The following JMJD1C variants were observed in gnomAD, a reference collection of about 807,000 sequenced individuals.
JMJD1C encodes the protein jumonji domain-containing protein 1C.
In JMJD1C, 31 loss-of-function variants were observed where a neutral mutation model predicts 245.3. The ratio of observed to expected loss-of-function variants is 0.13; its 90% confidence interval spans 0.09 to 0.17. The LOEUF is 0.17. JMJD1C is among the 10% of genes least tolerant of loss of function. The pLI is 1.00. For synonymous variants in JMJD1C, 1,057 were observed against 1,017.4 expected (o/e 1.04, Z -0.74); for missense variants, 2,691 against 3,000.2 (o/e 0.90, Z 2.41).
chr10:63,292,147 T>TTTTTTTTTTTTTTTTA lies in JMJD1C; in HGVS notation c.334-27384_334-27383insTAAAAAAAAAAAAAAA, dbSNP rs2133946464. Among the ~76,000 whole-genome samples, 4 of 134,396 alleles carry TTTTTTTTTTTTTTTTA rather than the reference T, an allele frequency of 3.0e-5. No individual in the cohort carries two copies. The South Asian group carries it at 9.9e-4, about 33-fold the overall frequency. 88.2% of individuals were successfully genotyped at this position (134,396 alleles called of 152,430 possible). A position where few individuals can be genotyped will look rare whatever the true frequency, so the allele number is the denominator to read the frequency against. On this transcript the variant is annotated intron_variant, in intron 2 of 25. Coordinates refer to ENST00000399262, the MANE Select transcript of JMJD1C (RefSeq NM_032776.3). ...TTTTTAGTTTCTGTAGAGACAGATT[T>TTTTTTTTTTTTTTTTA]TTTTTTTTTTTTTTTTGCCTAGGCT... is the stretch of plus-strand genomic sequence containing the variant.
chr10:63,278,035 C>A (rs1425723635), intron 2 of JMJD1C, among the ~76,000 whole-genome samples: 1 of 151,530 alleles, frequency 6.6e-6, no homozygotes, highest in Non-Finnish European at 1.5e-5. Context: ...ACCCAGCCTG[C>A]ATTTTAATAA....
chr10:63,337,075 A>G (rs1942812791), intron 2 of JMJD1C, among the ~76,000 whole-genome samples: 1 of 151,976 alleles, frequency 6.6e-6, no homozygotes, highest in Non-Finnish European at 1.5e-5. Flanking sequence ...TCCTGACCTC[A>G]GGTGATCCGT....
intron 1 of JMJD1C, among the ~76,000 whole-genome samples, chr10:63,388,635 AAGAG>A (rs1313336029): frequency 6.6e-6 from 1 of 152,134 alleles, no homozygotes; most frequent in East Asian, 1.9e-4. Flanking sequence ...TGTTAACAAG[AAGAG>A]AGAAAGGAAC....
chr10:63,222,142 C>T, intron 3 of JMJD1C: 2 of 718,726 alleles, frequency 2.8e-6, no homozygotes, highest in Admixed American at 1.8e-5. Context: ...AGGGAGGTCC[C>T]CCATCTGCAG....
intron 3 of JMJD1C, among the ~76,000 whole-genome samples, chr10:63,262,218 T>C (rs369026414): frequency 5.4e-4 from 82 of 152,326 alleles, no homozygotes; most frequent in African/African-American, 1.9e-3. Context: ...AGGAATTTAA[T>C]GTACTGCTTG....
At chr10:63,344,107 T>A (rs919757503) in intron 2 of JMJD1C, among the ~76,000 whole-genome samples, 1 of 152,192 alleles carries the variant, frequency 6.6e-6, no homozygotes, top group Non-Finnish European at 1.5e-5. Flanking sequence ...TCTACGGTAG[T>A]GTACAGTAAC....
At chr10:63,387,267 C>T (rs1013083347) in intron 1 of JMJD1C, among the ~76,000 whole-genome samples, 5 of 152,058 alleles carry the variant, frequency 3.3e-5, no homozygotes, top group African/African-American at 1.2e-4. Flanking sequence ...CAAGAAGAAG[C>T]AAGAAAATGT....
chr10:63,204,776 T>C, intron 10 of JMJD1C: 1 of 985,472 alleles, frequency 1.0e-6, no homozygotes, highest in Non-Finnish European at 1.2e-6. Flanking sequence ...AGTTTGTCCT[T>C]TGTTCTTTCA....
chr10:63,273,490 AC>A (rs1856517797), intron 2 of JMJD1C, among the ~76,000 whole-genome samples: 1 of 152,238 alleles, frequency 6.6e-6, no homozygotes, highest in Admixed American at 6.5e-5. Context: ...GCTAGCTTTT[AC>A]TTCAAGTCTC....
rs1288652184 is a variant in JMJD1C, at chr10:63,215,608, A to G, written c.767T>C (p.Ile256Thr). ...AGACCTGCGTCGTGATGTAATGCCA[A>G]TATTTTCACCTTTTAACAAAGAGTG... ...VVHSLLKGENIGITSRRRSRA... is the reference protein window; with the variant it reads ...VVHSLLKGENTGITSRRRSRA... Residue 256 changes from isoleucine to threonine, a missense_variant, in exon 6 of 26, where the codon ATT becomes ACT. Physicochemically the swap from Ile to Thr is moderately conservative, Grantham distance 89 (BLOSUM62 -1). Transcript: ENST00000399262. 4.3e-6 allele frequency: 7 copies of G among 1,611,602 alleles called. No individual in the cohort carries two copies. Among genetic ancestry groups the G allele is most frequent in the African/African-American group, 4.0e-5 (3 of 74,918 alleles).
intron 1 of JMJD1C, among the ~76,000 whole-genome samples, chr10:63,414,447 A>C (rs1370317751): frequency 6.6e-6 from 1 of 152,174 alleles, no homozygotes; most frequent in Non-Finnish European, 1.5e-5. Context: ...TCTAACCAGA[A>C]TCACCATAAG....
At chr10:63,224,478 G>C (rs1215492853) in intron 3 of JMJD1C, among the ~76,000 whole-genome samples, 1 of 152,132 alleles carries the variant, frequency 6.6e-6, no homozygotes, top group South Asian at 2.1e-4. Context: ...TCTACATATA[G>C]TACTTTGTAA....
intron 2 of JMJD1C, among the ~76,000 whole-genome samples, chr10:63,326,909 G>C (rs894126393): frequency 1.3e-5 from 2 of 151,782 alleles, no homozygotes; most frequent in African/African-American, 4.8e-5. Flanking sequence ...ACCAGGGGCT[G>C]GGCATGGTGG....
intron 2 of JMJD1C, among the ~76,000 whole-genome samples, chr10:63,272,694 G>T (rs9414785): frequency 0.015 from 2,264 of 152,252 alleles, 54 homozygotes; most frequent in African/African-American, 0.052. Context: ...ACAATGTCAT[G>T]TTACCAAACC....
chr10:63,420,191 G>A (rs1327122756), intron 1 of JMJD1C, among the ~76,000 whole-genome samples: 1 of 150,628 alleles, frequency 6.6e-6, no homozygotes, highest in Non-Finnish European at 1.5e-5. Flanking sequence ...TTTTTCAAAT[G>A]AAGGGCCCAG....
chr10:63,410,047 G>A (rs963978107), intron 1 of JMJD1C, among the ~76,000 whole-genome samples: 1 of 152,144 alleles, frequency 6.6e-6, no homozygotes, highest in South Asian at 2.1e-4. Context: ...ATATAAGGAA[G>A]TGTCTTCTCT....
upstream of JMJD1C, chr10:63,466,648 G>A (rs1168034192): frequency 1.3e-5 from 2 of 152,138 alleles, no homozygotes; most frequent in Non-Finnish European, 2.9e-5. Context: ...CCGTGTCTGC[G>A]ACAGTCTTAG....
At chr10:63,340,969 A>C (rs1943321005) in intron 2 of JMJD1C, among the ~76,000 whole-genome samples, 1 of 152,156 alleles carries the variant, frequency 6.6e-6, no homozygotes, top group Admixed American at 6.6e-5. Context: ...AAGAAACAAA[A>C]GACAGTTAGT....
intron 1 of JMJD1C, among the ~76,000 whole-genome samples, chr10:63,399,073 G>A (rs764610917): frequency 8.5e-5 from 13 of 152,112 alleles, no homozygotes; most frequent in Non-Finnish European, 1.6e-4. Flanking sequence ...TGACTTCCCT[G>A]AACAGTAAAC....
Sources: gnomAD v4.1 joint callset for allele counts (sites outside exome capture counted in the v4.1 genomes callset) on GRCh38, gnomAD v4.1.1 for gene constraint, MANE v1.5 for transcripts, NCBI Gene and HGNC (gene_info 2026-07-23, HGNC 2026-07-21) for gene names.